Variants in FBXO7 observed in about 807,000 individuals in gnomAD.
FBXO7 encodes the protein F-box protein 7.
FBXO7 carries 31 observed loss-of-function variants against 50.2 expected under a neutral mutation model. The observed-to-expected ratio is 0.62, with a 90% confidence interval of 0.46 to 0.83. FBXO7 has a LOEUF of 0.83. FBXO7 is among the 40% of genes least tolerant of loss of function. The pLI, the probability that FBXO7 is intolerant of heterozygous loss-of-function variation, is 0.00. For missense variants in FBXO7, 667 were observed against 646.6 expected (o/e 1.03, Z -0.34); for synonymous variants, 256 against 253.1 (o/e 1.01, Z -0.11).
At chr22:32,487,460 G>T in intron 4 of FBXO7, 1 of 285,266 alleles carries the variant, frequency 3.5e-6, no homozygotes, top group Non-Finnish European at 6.6e-6. Flanking sequence ...GATTAACCTT[G>T]TTGCATATCT....
chr22:32,475,288 C>T (rs2057419436), intron 1 of FBXO7, 164 bp downstream of exon 1: 4 of 1,594,130 alleles, frequency 2.5e-6, no homozygotes, highest in African/African-American at 1.4e-5. Flanking sequence ...CGGGCTCTTC[C>T]GGGCGTCGCG....
Position 32,498,811 on chromosome 22 carries a change from TA to T in FBXO7, c.*289del, listed in dbSNP as rs1186362488. ...TTTTCTGATGCTGTTCTTACCAGATTAAAAAAAAGTGTAAATTACATGGTGG... is the reference window on the plus strand; with the variant it reads ...TTTTCTGATGCTGTTCTTACCAGATTAAAAAAAGTGTAAATTACATGGTGG... On this transcript the variant is annotated 3_prime_UTR_variant, in exon 9 of 9. Coordinates refer to ENST00000266087, the MANE Select transcript of FBXO7 (RefSeq NM_012179.4). 33 of 458,340 alleles carry T rather than the reference TA, an allele frequency of 7.2e-5. No individual in the cohort carries two copies. Among genetic ancestry groups the T allele is most frequent in the East Asian group, 1.9e-4 (5 of 26,290 alleles). The allele number at this position is 458,340 out of a possible 1,614,324, so 28.4% of individuals were successfully genotyped here.
intron 4 of FBXO7, chr22:32,487,212 C>G: frequency 6.4e-6 from 1 of 155,208 alleles, no homozygotes; most frequent in Admixed American, 6.3e-5. Flanking sequence ...AAGCACATCA[C>G]TGGGCTCTTT....
intron 7 of FBXO7, among the ~76,000 whole-genome samples, chr22:32,495,170 T>A (rs1568979773): frequency 6.6e-6 from 1 of 152,126 alleles, no homozygotes; most frequent in East Asian, 1.9e-4. Context: ...TAAATGAGAT[T>A]AGGGGGAGAA....
At chr22:32,485,354 A>G in intron 4 of FBXO7, 145 bp downstream of exon 4, 1 of 1,076,294 alleles carries the variant, frequency 9.3e-7, no homozygotes, top group Non-Finnish European at 1.4e-6. Context: ...GCCACTGATA[A>G]CATGTGTCTG....
At chr22:32,491,249 G>C (rs1382213873) in intron 6 of FBXO7, 68 bp downstream of exon 6, 1 of 1,186,160 alleles carries the variant, frequency 8.4e-7, no homozygotes, top group African/African-American at 1.5e-5. Context: ...AATATTCTTG[G>C]TGAGTATGAC....
chr22:32,484,501 C>T (rs1463294128), intron 3 of FBXO7, among the ~76,000 whole-genome samples: 1 of 152,162 alleles, frequency 6.6e-6, no homozygotes. Flanking sequence ...GTGATCAGTG[C>T]ACACCTGCAG....
At chr22:32,495,448 G>C (rs143072412) in intron 7 of FBXO7, 45 bp from the exon 8 acceptor site, 2 of 1,344,856 alleles carry the variant, frequency 1.5e-6, no homozygotes, top group African/African-American at 2.9e-5. Context: ...AATGCAGGAC[G>C]AATGAAATGT....
Position 32,493,220 on chromosome 22 carries a change from C to T in FBXO7, c.1083C>T (p.Asp361=). Residue 361 remains aspartate, a synonymous_variant, in exon 7 of 9, where the codon GAC becomes GAT. Coordinates refer to ENST00000266087, the MANE Select transcript of FBXO7 (RefSeq NM_012179.4). ...SVLSLSAVCR[D]LFTASNDPLL... is the part of the protein sequence containing the mutation. ...TGTCTTTGTCTGCGGTTTGTCGTGA[C>T]CTCTTTACTGCTTCAAATGACCCAC... The T allele has an allele frequency of 6.2e-7, 1 of 1,614,146 alleles. No individual in the cohort carries two copies. The highest frequency in any genetic ancestry group is 8.5e-7 in the Non-Finnish European group (1 of 1,179,998).
chr22:32,487,680 TAAAA>T, intron 4 of FBXO7, 61 bp from the exon 5 acceptor site: 1 of 1,034,312 alleles, frequency 9.7e-7, no homozygotes, highest in Non-Finnish European at 1.5e-6. Context: ...AAGCCCATAC[TAAAA>T]AAGAAAGGCA....
chr22:32,495,142 A>G (rs1029526277), intron 7 of FBXO7, among the ~76,000 whole-genome samples: 2 of 152,206 alleles, frequency 1.3e-5, no homozygotes, highest in Non-Finnish European at 2.9e-5. Context: ...ATGTTGGATT[A>G]GAAGCAGGTG....
chr22:32,494,626 C>A (rs1192242651), intron 7 of FBXO7, among the ~76,000 whole-genome samples: 1 of 151,944 alleles, frequency 6.6e-6, no homozygotes, highest in East Asian at 1.9e-4. Context: ...GACAGAATGA[C>A]TGATGTATAT....
chr22:32,493,388 A>G, intron 7 of FBXO7, 107 bp downstream of exon 7: 1 of 888,852 alleles, frequency 1.1e-6, no homozygotes, highest in Non-Finnish European at 1.9e-6. Context: ...AATGATTACA[A>G]TAAATAGCCT....
In FBXO7 at chr22:32,484,141, A is replaced by G. The variant is rs746336005; in HGVS notation, c.645+17A>G. ...ATACCTCAGGTAAGTACTGCAAGCA[A>G]AACACAGACATCTTATGATTGCTCA... On this transcript the variant is annotated intron_variant, in intron 3 of 8. Transcript: ENST00000266087. 7 of 1,589,818 alleles carry G rather than the reference A, an allele frequency of 4.4e-6. No individual in the cohort carries two copies. Among genetic ancestry groups the G allele is most frequent in the African/African-American group, 1.3e-5 (1 of 74,432 alleles).
At chr22:32,485,606 A>T (rs1568975238) in intron 4 of FBXO7, among the ~76,000 whole-genome samples, 1 of 152,072 alleles carries the variant, frequency 6.6e-6, no homozygotes. Flanking sequence ...AAGGTCTTGA[A>T]CTGAGACATG....
At chr22:32,491,217 G>A in intron 6 of FBXO7, 36 bp downstream of exon 6, 1 of 1,367,010 alleles carries the variant, frequency 7.3e-7, no homozygotes, top group Non-Finnish European at 1.0e-6. Flanking sequence ...TTAAATGACT[G>A]TAAAGAATAG....
At chr22:32,479,353 T>G (rs965897151) in intron 2 of FBXO7, 78 bp downstream of exon 2, 2 of 1,369,734 alleles carry the variant, frequency 1.5e-6, no homozygotes, top group Non-Finnish European at 2.1e-6. Context: ...TCTGTTCCAG[T>G]CAGGATAATT....
intron 1 of FBXO7, among the ~76,000 whole-genome samples, chr22:32,477,329 G>A (rs770843118): frequency 6.6e-6 from 1 of 152,138 alleles, no homozygotes; most frequent in Non-Finnish European, 1.5e-5. Flanking sequence ...ATTTTTAAAG[G>A]ACTTCATCTT....
Position 32,479,171 on chromosome 22 carries a change from T to G in FBXO7, c.313T>G (p.Ser105Ala), listed in dbSNP as rs767508450. 4 of 1,614,038 alleles carry G rather than the reference T, an allele frequency of 2.5e-6. No homozygotes were observed. Among genetic ancestry groups the G allele is most frequent in the Non-Finnish European group, 1.7e-6 (2 of 1,180,006 alleles). Residue 105 changes from serine (S) to alanine (A), a missense_variant, in exon 2 of 9, where the codon TCT becomes GCT. Transcript: ENST00000266087. The stretch of plus-strand genomic sequence containing the variant: ...TTCACTCCAGAATAATGAGCAACCC[T>G]CTTTGGCCACCAGCTCCAATCAGAC... ...HSSLQNNEQP[S>A]LATSSNQTSM...
Sources: allele counts gnomAD v4.1 joint callset (sites outside exome capture counted in the v4.1 genomes callset), GRCh38; gene constraint gnomAD v4.1.1; transcripts MANE v1.5; gene names NCBI Gene and HGNC (gene_info 2026-07-23, HGNC 2026-07-21).